SAMD3: variants seen among roughly 807,000 people sequenced by gnomAD.
The protein encoded by SAMD3 is sterile alpha motif domain-containing protein 3.
SAMD3 carries 63 observed loss-of-function variants against 58.5 expected under a neutral mutation model. The observed-to-expected ratio is 1.08, with a 90% CI of 0.88 to 1.33. The LOEUF (loss-of-function observed/expected upper bound fraction) is 1.33. Ranked by LOEUF, SAMD3 falls within the 40% of genes most tolerant of loss-of-function variation. SAMD3 has a pLI of 0.00. For synonymous variants in SAMD3, 220 were observed against 210.3 expected, an observed-to-expected ratio of 1.05 and a Z score of -0.40; for missense variants, 604 against 608.4, an observed-to-expected ratio of 0.99 and a Z score of 0.08.
intron 2 of SAMD3, among the ~76,000 whole-genome samples, chr6:130,276,093 A>G (rs1278948113): frequency 6.6e-6 from 1 of 152,154 alleles, no homozygotes; most frequent in African/African-American, 2.4e-5. Context: ...GGAGGTTCAG[A>G]GAGAAGACAG....
In SAMD3 at chr6:130,348,008, T is replaced by C. The variant is rs573807031; in HGVS notation, c.-304+17112A>G. Among the ~76,000 whole-genome samples, 446 of 152,232 alleles carry C rather than the reference T, an allele frequency of 2.9e-3. 1 individual carries two copies. Among genetic ancestry groups the C allele is most frequent in the Middle Eastern group, 6.8e-3 (2 of 294 alleles). ...CATATGTGAAGGAGAAATAAAATCC[T>C]TTACAGACAAGCAAATGCTGAGAGA... On this transcript the variant is annotated intron_variant, in intron 1 of 13. Coordinates refer to the SAMD3 transcript ENST00000368134.
chr6:130,348,033 A>T (rs1161028682), intron 1 of SAMD3, among the ~76,000 whole-genome samples: 2 of 152,214 alleles, frequency 1.3e-5, no homozygotes, highest in Non-Finnish European at 2.9e-5. Context: ...ATGCTGAGAG[A>T]TTTTGTCACC....
intron 2 of SAMD3, among the ~76,000 whole-genome samples, chr6:130,303,545 C>T (rs190209288): frequency 1.3e-5 from 2 of 152,244 alleles, no homozygotes; most frequent in African/African-American, 2.4e-5. Context: ...ACTCATTTAC[C>T]CAGTTGATTA....
chr6:130,221,010 C>G (rs543993198), intron 1 of SAMD3, among the ~76,000 whole-genome samples: 1 of 152,132 alleles, frequency 6.6e-6, no homozygotes, highest in Non-Finnish European at 1.5e-5. Context: ...CCCACCACCA[C>G]GCCCAGCTAA....
intron 1 of SAMD3, among the ~76,000 whole-genome samples, chr6:130,321,100 C>T (rs1776569844): frequency 6.6e-6 from 1 of 152,194 alleles, no homozygotes. Flanking sequence ...GACCTAGTGA[C>T]TCACTTGTAG....
At chr6:130,227,396 C>A (rs1032265848), upstream of SAMD3, among the ~76,000 whole-genome samples, 1 of 152,156 alleles carries the variant, frequency 6.6e-6, no homozygotes, top group African/African-American at 2.4e-5. Context: ...CTTTTTCAAT[C>A]TTTTGACTAT....
intron 1 of SAMD3, among the ~76,000 whole-genome samples, chr6:130,218,717 T>C (rs1332469625): frequency 6.6e-6 from 1 of 152,156 alleles, no homozygotes; most frequent in African/African-American, 2.4e-5. Flanking sequence ...TGGAAGCGAA[T>C]GGATCTTGAT....
upstream of SAMD3, chr6:130,365,464 G>A (rs962980909): frequency 6.7e-5 from 66 of 985,434 alleles, no homozygotes; most frequent in Non-Finnish European, 7.5e-5. Context: ...CGCCCGCGCA[G>A]CCCGCCAGGG....
At chr6:130,360,073 G>A (rs974475012) in intron 1 of SAMD3, among the ~76,000 whole-genome samples, 1 of 152,152 alleles carries the variant, frequency 6.6e-6, no homozygotes, top group African/African-American at 2.4e-5. Flanking sequence ...AAGAATAAAT[G>A]TAATGTCTAA....
At chr6:130,251,584 C>G (rs558696202) in intron 2 of SAMD3, among the ~76,000 whole-genome samples, 4 of 152,164 alleles carry the variant, frequency 2.6e-5, no homozygotes, top group Non-Finnish European at 5.9e-5. Context: ...GAATTTCATT[C>G]TTTAGCATTG....
At chr6:130,189,857 A>T (rs1373044800) in intron 5 of SAMD3, among the ~76,000 whole-genome samples, 1 of 152,236 alleles carries the variant, frequency 6.6e-6, no homozygotes, top group Non-Finnish European at 1.5e-5. Flanking sequence ...AGAAGCCTAC[A>T]CTTAGAACAA....
At chr6:130,282,169 G>T (rs1775004003) in intron 2 of SAMD3, among the ~76,000 whole-genome samples, 1 of 152,010 alleles carries the variant, frequency 6.6e-6, no homozygotes, top group Non-Finnish European at 1.5e-5. Context: ...CACGTGCAGG[G>T]AGATGGGGGG....
intron 7 of SAMD3, chr6:130,183,252 G>A (rs1284172833): frequency 2.4e-6 from 1 of 410,898 alleles, no homozygotes; most frequent in Non-Finnish European, 4.7e-6. Flanking sequence ...CCAGAGAATT[G>A]CTTGAACCCA....
intron 10 of SAMD3, 51 bp downstream of exon 10, chr6:130,145,959 T>G (rs764023964): frequency 8.7e-6 from 10 of 1,151,130 alleles, no homozygotes; most frequent in Middle Eastern, 2.4e-4. Context: ...CTTTTCTAGA[T>G]ATTCTGATAA....
chr6:130,228,703 G>T (rs1027823291), intron 2 of SAMD3, among the ~76,000 whole-genome samples: 1 of 152,216 alleles, frequency 6.6e-6, no homozygotes, highest in South Asian at 2.1e-4. Flanking sequence ...TCCTTCTTGA[G>T]TCTTCTCTTC....
At chr6:130,257,155 GTC>G (rs148601929) in intron 2 of SAMD3, among the ~76,000 whole-genome samples, 20 of 150,080 alleles carry the variant, frequency 1.3e-4, no homozygotes, top group Middle Eastern at 3.5e-3. Flanking sequence ...ATCTCTCTCT[GTC>G]TCTCTCTCTC....
intron 1 of SAMD3, among the ~76,000 whole-genome samples, chr6:130,321,213 A>G (rs539798787): frequency 5.9e-5 from 9 of 152,296 alleles, no homozygotes; most frequent in African/African-American, 1.7e-4. Context: ...TTCTCATTCT[A>G]TCTTTCTTAG....
chr6:130,183,326 G>C, intron 7 of SAMD3: 1 of 419,466 alleles, frequency 2.4e-6, no homozygotes, highest in Non-Finnish European at 4.5e-6. Context: ...GAGAGAGCGA[G>C]ACTCCGTCTC....
At chr6:130,158,091 G>A (rs1436201644) in intron 8 of SAMD3, among the ~76,000 whole-genome samples, 1 of 152,152 alleles carries the variant, frequency 6.6e-6, no homozygotes, top group Non-Finnish European at 1.5e-5. Flanking sequence ...TATGTTCACA[G>A]CTAGCAAGAT....
Sources: gnomAD v4.1 joint callset for allele counts (sites outside exome capture counted in the v4.1 genomes callset) on GRCh38, gnomAD v4.1.1 for gene constraint, MANE v1.5 for transcripts, NCBI Gene and HGNC (gene_info 2026-07-23, HGNC 2026-07-21) for gene names.